Variants in CUBN observed in about 807,000 individuals in gnomAD.
The protein encoded by CUBN is 460 kDa receptor.
In CUBN, 282 loss-of-function variants were observed where a neutral mutation model predicts 405.3. That is an observed-to-expected ratio of 0.70 (90% CI 0.63 to 0.77). The LOEUF (loss-of-function observed/expected upper bound fraction) is 0.77, where lower values mean the gene tolerates loss of function less well. Among genes scored for constraint, CUBN ranks in the 30% least tolerant of loss-of-function variants. The pLI is 0.00. For synonymous variants in CUBN, 1,684 were observed against 1,617.0 expected, an observed-to-expected ratio of 1.04 and a Z score of -0.99; for missense variants, 4,514 against 4,475.2, an observed-to-expected ratio of 1.01 and a Z score of -0.25.
intron 64 of CUBN, among the ~76,000 whole-genome samples, chr10:16,831,853 T>G (rs1359222239): frequency 6.6e-6 from 1 of 152,166 alleles, no homozygotes; most frequent in Non-Finnish European, 1.5e-5. Flanking sequence ...TTTGTGTATG[T>G]GTGTGTGTGC....
chr10:16,928,098 A>T, intron 41 of CUBN, 59 bp downstream of exon 41: 1 of 1,561,330 alleles, frequency 6.4e-7, no homozygotes, highest in Non-Finnish European at 8.8e-7. Context: ...AGAGAGAAAG[A>T]GAGAGGAAAA....
At chr10:16,829,354 A>C (rs1838901464) in intron 65 of CUBN, among the ~76,000 whole-genome samples, 2 of 150,734 alleles carry the variant, frequency 1.3e-5, no homozygotes, top group African/African-American at 2.5e-5. Context: ...AAAAAAAAAA[A>C]AAAACAAACT....
In CUBN at chr10:17,076,531, T is replaced by G. The variant is rs115760403; in HGVS notation, c.2302-4560A>C. Among the ~76,000 whole-genome samples, 1,342 of 151,022 alleles carry G rather than the reference T, an allele frequency of 8.9e-3. 20 individuals are homozygous for G. Among genetic ancestry groups the G allele is most frequent in the African/African-American group, 0.031 (1,294 of 41,118 alleles). On this transcript the variant is annotated intron_variant, in intron 17 of 66. Coordinates refer to ENST00000377833, the MANE Select transcript of CUBN (RefSeq NM_001081.4). ...TTTCCTTTATGCTCATGAACTGGGA[T>G]GGATGGCATTATTTTACATAGTTAT...
intron 28 of CUBN, among the ~76,000 whole-genome samples, chr10:17,009,240 C>G (rs535477603): frequency 3.3e-5 from 5 of 152,218 alleles, no homozygotes; most frequent in African/African-American, 1.2e-4. Context: ...CGGTTCTGGT[C>G]CCAGCTGGCA....
At chr10:16,887,555 T>A (rs890847837) in intron 56 of CUBN, among the ~76,000 whole-genome samples, 4 of 152,212 alleles carry the variant, frequency 2.6e-5, no homozygotes, top group Admixed American at 2.6e-4. Flanking sequence ...AAGGCTATTA[T>A]CAAAAGACAA....
intron 58 of CUBN, among the ~76,000 whole-genome samples, chr10:16,872,096 C>T (rs1417736381): frequency 2.0e-5 from 3 of 151,582 alleles, no homozygotes; most frequent in Non-Finnish European, 4.4e-5. Flanking sequence ...AAAAAATTAC[C>T]CAGGCTGGTG....
At chr10:16,963,815 G>A (rs748135674) in intron 31 of CUBN, among the ~76,000 whole-genome samples, 9 of 152,154 alleles carry the variant, frequency 5.9e-5, no homozygotes, top group South Asian at 2.1e-4. Flanking sequence ...GATATGTAGC[G>A]TGTGACATGA....
rs1837276892 is a variant in CUBN, at chr10:17,129,756, T to C, written c.10A>G (p.Met4Val). 1 of 1,614,130 alleles carries C rather than the reference T, an allele frequency of 6.2e-7. No homozygotes were observed. Among genetic ancestry groups the C allele is most frequent in the South Asian group, 1.1e-5 (1 of 91,088 alleles). Reference sequence around the variant, plus strand: ...AAACTCCAAAGAAAAGGTAAAGACATGTTCATCATCAACCTCCCAGGTTGG... The same window carrying C: ...AAACTCCAAAGAAAAGGTAAAGACACGTTCATCATCAACCTCCCAGGTTGG... MMN[M>V]SLPFLWSLLT... is the part of the protein sequence containing the mutation. Residue 4 changes from methionine to valine, a missense_variant, in exon 1 of 67, where the codon ATG becomes GTG. Coordinates refer to ENST00000377833, the MANE Select transcript of CUBN (RefSeq NM_001081.4).
At chr10:16,882,779 C>T (rs1202667818) in intron 56 of CUBN, among the ~76,000 whole-genome samples, 1 of 152,018 alleles carries the variant, frequency 6.6e-6, no homozygotes, top group Non-Finnish European at 1.5e-5. Context: ...TTTGGGAGGC[C>T]GAGGCAGGCA....
intron 27 of CUBN, among the ~76,000 whole-genome samples, chr10:17,033,620 A>C (rs1834828930): frequency 6.6e-6 from 1 of 152,212 alleles, no homozygotes; most frequent in Middle Eastern, 3.2e-3. Context: ...CATATCGCAG[A>C]TTTATTAGAA....
chr10:16,968,352 A>C (rs944239505), intron 31 of CUBN, among the ~76,000 whole-genome samples: 4 of 151,758 alleles, frequency 2.6e-5, no homozygotes, highest in Non-Finnish European at 5.9e-5. Context: ...CACATCAGAC[A>C]CTTTTCTTTC....
In CUBN at chr10:17,085,591, A is replaced by C; in HGVS notation, c.2110+6T>G. On this transcript the variant is annotated splice_donor_region_variant and intron_variant, in intron 16 of 66. Transcript: ENST00000377833. Reference sequence around the variant, plus strand: ...CTCTTAAGCCCCCAACTGGTAGGTTACTTACAAGGTGATGTTAAGTAGGTG... The same window carrying C: ...CTCTTAAGCCCCCAACTGGTAGGTTCCTTACAAGGTGATGTTAAGTAGGTG... 1 of 1,613,566 alleles carries C rather than the reference A, an allele frequency of 6.2e-7. No homozygotes were observed. Among genetic ancestry groups the C allele is most frequent in the Non-Finnish European group, 8.5e-7 (1 of 1,179,432 alleles).
chr10:17,027,426 A>C (rs557219335), intron 27 of CUBN, among the ~76,000 whole-genome samples: 1 of 152,352 alleles, frequency 6.6e-6, no homozygotes, highest in Admixed American at 6.5e-5. Context: ...TTCGAATATT[A>C]AAATAAAATA....
At position 16,840,723 on chromosome 10, in the gene CUBN, G is replaced by T. The variant is rs186712629; in HGVS notation, c.9826+162C>A. 9.2e-5 allele frequency among the ~76,000 whole-genome samples: 14 copies of T among 152,282 alleles called. No homozygotes were observed. In the East Asian group the frequency reaches 2.7e-3, roughly 29 times the overall value. On this transcript the variant is annotated intron_variant, in intron 61 of 66. Transcript: ENST00000377833. Reference sequence around the variant, plus strand: ...ATTTGTACCACAGATTAAACATACAGTAATTAACATGGTGTTTAGCAATTG... The same window carrying T: ...ATTTGTACCACAGATTAAACATACATTAATTAACATGGTGTTTAGCAATTG...
At chr10:17,039,194 A>T (rs1281336082) in intron 27 of CUBN, among the ~76,000 whole-genome samples, 2 of 152,152 alleles carry the variant, frequency 1.3e-5, no homozygotes, top group Non-Finnish European at 2.9e-5. Context: ...GCACACTGTT[A>T]TACGTGCAAC....
At chr10:17,100,342 G>T in intron 13 of CUBN, 103 bp from the exon 14 acceptor site, 1 of 753,108 alleles carries the variant, frequency 1.3e-6, no homozygotes, top group Non-Finnish European at 2.4e-6. Flanking sequence ...ACTTTCAAGA[G>T]CTAGACCTAT....
chr10:17,014,137 A>T (rs1834261547), intron 28 of CUBN, among the ~76,000 whole-genome samples: 1 of 152,180 alleles, frequency 6.6e-6, no homozygotes, highest in South Asian at 2.1e-4. Flanking sequence ...TAGTCCAGAC[A>T]GTGAGATCCT....
At chr10:17,114,221 A>T (rs751586069) in intron 7 of CUBN, 32 bp from the exon 8 acceptor site, 1 of 1,607,948 alleles carries the variant, frequency 6.2e-7, no homozygotes, top group East Asian at 2.2e-5. Context: ...GAATAAAGAC[A>T]ATCATGAAAA....
chr10:16,962,008 G>T (rs752101020), intron 31 of CUBN, among the ~76,000 whole-genome samples: 1 of 152,104 alleles, frequency 6.6e-6, no homozygotes, highest in Non-Finnish European at 1.5e-5. Flanking sequence ...CATGGCGCCC[G>T]GCCGGAAAAG....
Sources: gnomAD v4.1 joint callset for allele counts (sites outside exome capture counted in the v4.1 genomes callset) on GRCh38, gnomAD v4.1.1 for gene constraint, MANE v1.5 for transcripts, NCBI Gene and HGNC (gene_info 2026-07-23, HGNC 2026-07-21) for gene names.